The following RALYL variants were observed in gnomAD, a reference collection of about 807,000 sequenced individuals.
The protein encoded by RALYL is RALY RNA binding protein like.
RALYL carries 29 observed loss-of-function variants against 35.1 expected under a neutral mutation model. That is an observed-to-expected ratio of 0.83 (90% confidence interval 0.61 to 1.13). The LOEUF is 1.13. RALYL is among the 50% of genes most tolerant of loss of function. The pLI, the probability that RALYL is intolerant of heterozygous loss-of-function variation, is 0.00. For missense variants in RALYL, 359 were observed against 360.4 expected (o/e 1.00, Z 0.03); for synonymous variants, 120 against 127.6 (o/e 0.94, Z 0.40).
intron 1 of RALYL, among the ~76,000 whole-genome samples, chr8:84,319,264 G>A (rs1844350229): frequency 6.6e-6 from 1 of 152,116 alleles, no homozygotes; most frequent in South Asian, 2.1e-4. Flanking sequence ...ATAATGCTAA[G>A]TGTTTTAAGT....
At chr8:84,185,003 G>A in intron 1 of RALYL, 5 of 1,613,994 alleles carry the variant, frequency 3.1e-6, no homozygotes, top group South Asian at 2.2e-5. Context: ...TTCGCAATGA[G>A]TAAACGACGC....
intron 1 of RALYL, among the ~76,000 whole-genome samples, chr8:84,523,645 C>T (rs910667213): frequency 3.0e-5 from 4 of 135,314 alleles, no homozygotes. Flanking sequence ...AGGTATATCT[C>T]CCAATGCTAT....
At chr8:84,415,804 G>A (rs139458447) in intron 1 of RALYL, among the ~76,000 whole-genome samples, 1 of 152,098 alleles carries the variant, frequency 6.6e-6, no homozygotes, top group Non-Finnish European at 1.5e-5. Context: ...TGTACTTAGT[G>A]TTTCTGTATT....
At chr8:84,374,400 A>G (rs1328045735) in intron 1 of RALYL, among the ~76,000 whole-genome samples, 1 of 151,896 alleles carries the variant, frequency 6.6e-6, no homozygotes, top group Non-Finnish European at 1.5e-5. Context: ...TATTTTACTG[A>G]TCATTCTACC....
chr8:84,263,373 G>A (rs1243153228), intron 1 of RALYL, among the ~76,000 whole-genome samples: 1 of 152,136 alleles, frequency 6.6e-6, no homozygotes, highest in Non-Finnish European at 1.5e-5. Context: ...ACAACAGGAA[G>A]TGTTACAACA....
intron 2 of RALYL, among the ~76,000 whole-genome samples, chr8:84,719,359 C>A (rs1428846673): frequency 6.6e-6 from 1 of 152,168 alleles, no homozygotes; most frequent in African/African-American, 2.4e-5. Context: ...TGTTTGTGAA[C>A]TATCTCTTGC....
intron 7 of RALYL, among the ~76,000 whole-genome samples, chr8:84,884,951 G>T (rs1025979293): frequency 6.6e-6 from 1 of 152,040 alleles, no homozygotes; most frequent in Non-Finnish European, 1.5e-5. Context: ...GAGGAAGAGT[G>T]GGGGGCCAAA....
chr8:84,546,753 T>A (rs1169715202), intron 2 of RALYL, among the ~76,000 whole-genome samples: 1 of 152,168 alleles, frequency 6.6e-6, no homozygotes, highest in Non-Finnish European at 1.5e-5. Flanking sequence ...CTTTAAAGAA[T>A]TTGATAGGAT....
intron 1 of RALYL, among the ~76,000 whole-genome samples, chr8:84,401,745 G>A (rs2131985825): frequency 7.0e-6 from 1 of 143,492 alleles, no homozygotes; most frequent in South Asian, 2.4e-4. Flanking sequence ...ATATTCTTAT[G>A]TAAAAGATCA....
At chr8:84,637,501 G>C (rs1392909026) in intron 2 of RALYL, among the ~76,000 whole-genome samples, 4 of 151,860 alleles carry the variant, frequency 2.6e-5, no homozygotes, top group Non-Finnish European at 2.9e-5. Context: ...TAACAAGAGT[G>C]AGTTATGGTA....
intron 8 of RALYL, among the ~76,000 whole-genome samples, chr8:84,903,096 C>T (rs1363762521): frequency 1.3e-5 from 2 of 151,954 alleles, no homozygotes; most frequent in Non-Finnish European, 2.9e-5. Flanking sequence ...CCCCTTGTAA[C>T]TTTTATGTCT....
chr8:84,642,416 C>G (rs558228945), intron 2 of RALYL, among the ~76,000 whole-genome samples: 2 of 151,518 alleles, frequency 1.3e-5, no homozygotes, highest in Non-Finnish European at 2.9e-5. Flanking sequence ...CAGTTTCAAA[C>G]AAGTTTCCAA....
chr8:84,390,224 T>G (rs1481472534), intron 1 of RALYL, among the ~76,000 whole-genome samples: 1 of 152,160 alleles, frequency 6.6e-6, no homozygotes, highest in African/African-American at 2.4e-5. Context: ...CTTTTTGATG[T>G]GCTGCTGGAT....
At chr8:84,652,289 T>C (rs1246893560) in intron 2 of RALYL, among the ~76,000 whole-genome samples, 2 of 152,148 alleles carry the variant, frequency 1.3e-5, no homozygotes, top group Non-Finnish European at 2.9e-5. Flanking sequence ...TTTGCTGTTC[T>C]AATAGTAAGC....
intron 1 of RALYL, among the ~76,000 whole-genome samples, chr8:84,470,013 G>GCACCCACTGACCTGCGCC (rs1158351023): frequency 1.3e-5 from 2 of 152,078 alleles, no homozygotes; most frequent in Non-Finnish European, 2.9e-5. Context: ...CACGGTGCGC[G>GCACCCACTGACCTGCGCC]CACCCACTGA....
At chr8:84,293,597 G>A (rs529617434) in intron 1 of RALYL, among the ~76,000 whole-genome samples, 10 of 152,206 alleles carry the variant, frequency 6.6e-5, no homozygotes, top group Admixed American at 2.6e-4. Context: ...AACCCATTGT[G>A]ATAACAAAGC....
chr8:84,305,566 T>G (rs1309535753), intron 1 of RALYL, among the ~76,000 whole-genome samples: 1 of 152,252 alleles, frequency 6.6e-6, no homozygotes, highest in Admixed American at 6.5e-5. Context: ...TTTCCATCTT[T>G]CTTCAATTGC....
chr8:84,865,659 A>C (rs1839048253), intron 6 of RALYL, among the ~76,000 whole-genome samples: 1 of 152,214 alleles, frequency 6.6e-6, no homozygotes, highest in Non-Finnish European at 1.5e-5. Flanking sequence ...CAAAAGAGAA[A>C]ACATGAATAT....
At chr8:84,383,759 T>G (rs1586748873) in intron 1 of RALYL, among the ~76,000 whole-genome samples, 1 of 142,928 alleles carries the variant, frequency 7.0e-6, no homozygotes, top group African/African-American at 2.6e-5. Flanking sequence ...GAGGATGGGG[T>G]GATTGATTTG....
Sources: allele counts gnomAD v4.1 joint callset (sites outside exome capture counted in the v4.1 genomes callset), GRCh38; gene constraint gnomAD v4.1.1; transcripts MANE v1.5; gene names NCBI Gene and HGNC (gene_info 2026-07-23, HGNC 2026-07-21).